The following OLA1 variants were observed in gnomAD, a reference collection of about 807,000 sequenced individuals.
OLA1 encodes Obg like ATPase 1.
OLA1 carries 14 observed loss-of-function variants against 48.4 expected under a neutral mutation model. That is an observed-to-expected ratio of 0.29 (90% confidence interval 0.19 to 0.45). The LOEUF (loss-of-function observed/expected upper bound fraction) is 0.45, where lower values mean the gene tolerates loss of function less well. Ranked by LOEUF, OLA1 falls within the 20% of genes least tolerant of loss-of-function variation. The pLI is 1.00. For missense variants in OLA1, 325 were observed against 467.1 expected (o/e 0.70, Z 2.80); for synonymous variants, 127 against 150.4 (o/e 0.84, Z 1.14).
At chr2:174,107,369 T>C (rs1462923874) in intron 7 of OLA1, among the ~76,000 whole-genome samples, 52 of 152,128 alleles carry the variant, frequency 3.4e-4, no homozygotes, top group Admixed American at 3.4e-3. Context: ...AGATAACTGC[T>C]GTTTGGAGCA....
chr2:174,117,126 T>A (rs1192733615), intron 7 of OLA1, among the ~76,000 whole-genome samples: 1 of 152,176 alleles, frequency 6.6e-6, no homozygotes, highest in Non-Finnish European at 1.5e-5. Context: ...GTTATATTTA[T>A]ACATGTAATA....
At chr2:174,108,754 T>C (rs1371264361) in intron 7 of OLA1, among the ~76,000 whole-genome samples, 1 of 152,200 alleles carries the variant, frequency 6.6e-6, no homozygotes, top group Non-Finnish European at 1.5e-5. Flanking sequence ...TCCAAGGGAA[T>C]ACAAAGAATG....
chr2:174,088,261 A>G (rs1024603282), intron 7 of OLA1, among the ~76,000 whole-genome samples: 1 of 152,200 alleles, frequency 6.6e-6, no homozygotes, highest in Admixed American at 6.5e-5. Flanking sequence ...TTAAACACTG[A>G]TGTCATTTCT....
chr2:174,198,550 C>T (rs1687927120), intron 4 of OLA1, among the ~76,000 whole-genome samples: 1 of 152,056 alleles, frequency 6.6e-6, no homozygotes, highest in African/African-American at 2.4e-5. Context: ...GAGGCCAAGG[C>T]AGGCAAATCA....
At chr2:174,180,136 T>C (rs1290180232) in intron 4 of OLA1, among the ~76,000 whole-genome samples, 1 of 152,068 alleles carries the variant, frequency 6.6e-6, no homozygotes, top group Non-Finnish European at 1.5e-5. Context: ...TACTAGCTAA[T>C]TAACATTAGC....
chr2:174,096,675 G>C (rs1284168367), intron 7 of OLA1, among the ~76,000 whole-genome samples: 1 of 152,090 alleles, frequency 6.6e-6, no homozygotes, highest in Non-Finnish European at 1.5e-5. Context: ...TTAATCACAT[G>C]TAACTAAAAT....
intron 4 of OLA1, among the ~76,000 whole-genome samples, chr2:174,162,313 A>G (rs1687028833): frequency 6.6e-6 from 1 of 152,244 alleles, no homozygotes; most frequent in South Asian, 2.1e-4. Context: ...AGGCAGTAAC[A>G]TAATCAAATG....
At chr2:174,213,866 T>G (rs1021948615) in intron 4 of OLA1, among the ~76,000 whole-genome samples, 1 of 152,160 alleles carries the variant, frequency 6.6e-6, no homozygotes, top group African/African-American at 2.4e-5. Flanking sequence ...TTTTTAAAAG[T>G]ACATGTGAAT....
In OLA1 at chr2:174,245,023, C is replaced by T. The variant is rs150907425; in HGVS notation, c.101+1692G>A. The stretch of plus-strand genomic sequence containing the variant: ...GAGGGTTGCCTATATGTACAGAAAA[C>T]ACTTAATATGGCCCATTTTAATATA... On this transcript the variant is annotated intron_variant, in intron 2 of 10. Transcript: ENST00000284719. 8.3e-3 allele frequency among the ~76,000 whole-genome samples: 1,267 copies of T among 152,244 alleles called. 17 individuals are homozygous for T. Among genetic ancestry groups the T allele is most frequent in the Middle Eastern group, 0.017 (5 of 294 alleles).
chr2:174,216,092 T>C (rs1688355078), intron 4 of OLA1, among the ~76,000 whole-genome samples: 1 of 151,942 alleles, frequency 6.6e-6, no homozygotes, highest in African/African-American at 2.4e-5. Flanking sequence ...GCCCAGGAGT[T>C]TGAGACCAGC....
At chr2:174,243,020 T>C (rs775730793) in intron 2 of OLA1, among the ~76,000 whole-genome samples, 4 of 152,050 alleles carry the variant, frequency 2.6e-5, no homozygotes, top group Non-Finnish European at 5.9e-5. Context: ...TTTGTTGTTT[T>C]TTTTTTCAGA....
chr2:174,184,009 T>G (rs557257587), intron 4 of OLA1, among the ~76,000 whole-genome samples: 1 of 152,178 alleles, frequency 6.6e-6, no homozygotes, highest in Non-Finnish European at 1.5e-5. Context: ...CTATACTCCA[T>G]GCAACTAAAG....
chr2:174,130,202 T>G (rs1355769491), intron 5 of OLA1, among the ~76,000 whole-genome samples: 6 of 152,220 alleles, frequency 3.9e-5, no homozygotes, highest in Non-Finnish European at 2.9e-5. Flanking sequence ...AAGCATTTGT[T>G]GCTCTACTAG....
chr2:174,119,448 T>A (rs1209873417), intron 7 of OLA1, among the ~76,000 whole-genome samples: 1 of 152,142 alleles, frequency 6.6e-6, no homozygotes, highest in East Asian at 1.9e-4. Flanking sequence ...TTTATATGCA[T>A]ATATGTGTTT....
chr2:174,169,022 A>C (rs1285340008), intron 4 of OLA1, among the ~76,000 whole-genome samples: 2 of 151,948 alleles, frequency 1.3e-5, no homozygotes, highest in Non-Finnish European at 2.9e-5. Flanking sequence ...GCAATGGCGC[A>C]ATCTCAGCTC....
intron 7 of OLA1, among the ~76,000 whole-genome samples, chr2:174,099,524 T>C (rs1383312408): frequency 1.3e-5 from 2 of 152,206 alleles, no homozygotes; most frequent in African/African-American, 4.8e-5. Flanking sequence ...TACTTGGCCC[T>C]GTGTATGAAA....
intron 4 of OLA1, among the ~76,000 whole-genome samples, chr2:174,221,275 A>C (rs199502700): frequency 6.7e-6 from 1 of 150,164 alleles, no homozygotes; most frequent in African/African-American, 2.5e-5. Flanking sequence ...TTCCCCCCCC[A>C]CAAGGGTTAG....
At chr2:174,087,070 A>G (rs1684998837) in intron 7 of OLA1, among the ~76,000 whole-genome samples, 1 of 147,826 alleles carries the variant, frequency 6.8e-6, no homozygotes, top group Non-Finnish European at 1.5e-5. Context: ...CTCTGTCGCC[A>G]GGCTGGAGTG....
At chr2:174,101,912 C>A (rs1685406020) in intron 7 of OLA1, among the ~76,000 whole-genome samples, 1 of 151,954 alleles carries the variant, frequency 6.6e-6, no homozygotes, top group African/African-American at 2.4e-5. Flanking sequence ...CACAGGGTGC[C>A]AATACTAACA....
Sources: allele counts gnomAD v4.1 joint callset (sites outside exome capture counted in the v4.1 genomes callset), GRCh38; gene constraint gnomAD v4.1.1; transcripts MANE v1.5; gene names NCBI Gene and HGNC (gene_info 2026-07-23, HGNC 2026-07-21).